ANKDD1B: variants seen among roughly 807,000 people sequenced by gnomAD.
ANKDD1B encodes the protein ankyrin repeat and death domain containing 1B.
A neutral mutation model predicts 59.7 loss-of-function variants in ANKDD1B; 57 were observed. The ratio of observed to expected loss-of-function variants is 0.95; its 90% confidence interval spans 0.77 to 1.19. The LOEUF (loss-of-function observed/expected upper bound fraction) is 1.19, where lower values mean the gene tolerates loss of function less well. ANKDD1B is among the 50% of genes most tolerant of loss of function. ANKDD1B has a pLI of 0.00. For synonymous variants in ANKDD1B, 216 were observed against 239.5 expected (o/e 0.90, Z 0.91); for missense variants, 602 against 641.9 (o/e 0.94, Z 0.67).
rs149548574 is a variant in ANKDD1B, at chr5:75,658,132, G to C, written c.997-1151G>C. 5.1e-3 allele frequency among the ~76,000 whole-genome samples: 770 copies of C among 152,182 alleles called. 8 individuals carry two copies. Among genetic ancestry groups the C allele is most frequent in the African/African-American group, 0.016 (679 of 41,540 alleles). On this transcript the variant is annotated intron_variant, in intron 9 of 13. Coordinates refer to ENST00000601380, the MANE Select transcript of ANKDD1B (RefSeq NM_001276713.2). ...GGATTGCTTGAGCCCAGGAGTTCGA[G>C]GTTACAGTGAGCTACTATCATGCTA... is the stretch of plus-strand genomic sequence containing the variant.
At chr5:75,635,470 C>G (rs1345319667) in intron 6 of ANKDD1B, 1 of 247,384 alleles carries the variant, frequency 4.0e-6, no homozygotes, top group African/African-American at 2.2e-5. Context: ...TCCCAGAAAT[C>G]TTTCACCATT....
At chr5:75,626,048 C>A in intron 5 of ANKDD1B, 93 bp downstream of exon 5, 1 of 902,892 alleles carries the variant, frequency 1.1e-6, no homozygotes, top group Non-Finnish European at 1.7e-6. Flanking sequence ...GCAGCCAGCA[C>A]AGACAGACCC....
In ANKDD1B at chr5:75,635,790, AAC is replaced by A; in HGVS notation, c.709_710del (p.Thr237CysfsTer26). ...GAGTGTGTCTCTGTTGCAGGGGGGA[AAC>A]ACTGCCTTGCACCTCGCTGCGAAGC... ...LHTSEKDKGG[N>X]TALHLAAKHG... On this transcript the variant is annotated frameshift_variant, in exon 7 of 14. Coordinates refer to ENST00000601380, the MANE Select transcript of ANKDD1B (RefSeq NM_001276713.2). LOFTEE classifies it high-confidence loss of function. The A allele has an allele frequency of 6.5e-7, 1 of 1,529,308 alleles. No homozygotes were observed. Among genetic ancestry groups the A allele is most frequent in the Non-Finnish European group, 8.8e-7 (1 of 1,141,434 alleles). The allele number at this position is 1,529,308 out of a possible 1,614,324, so 94.7% of individuals were successfully genotyped here.
Position 75,669,274 on chromosome 5 carries a change from T to C in ANKDD1B, c.1416T>C (p.His472=). The C allele has an allele frequency of 8.1e-7, 1 of 1,232,150 alleles. No homozygotes were observed. Among genetic ancestry groups the C allele is most frequent in the South Asian group, 4.1e-5 (1 of 24,324 alleles). The allele number at this position is 1,232,150 out of a possible 1,614,324, so 76.3% of individuals were successfully genotyped here. ...QWSGNESFRE[H]GHRALLIWLH... ...CAGGAAATGAAAGCTTCCGTGAACA[T>C]GGCCACAGGGCTCTGCTTATCTGGC... Residue 472 remains histidine (H), a synonymous_variant, in exon 13 of 14, where the codon CAT becomes CAC. Transcript: ENST00000601380.
chr5:75,666,900 T>TA lies in ANKDD1B; in HGVS notation c.1301dup (p.Tyr434Ter), dbSNP rs761999240. The TA allele has an allele frequency of 5.9e-6, 9 of 1,534,108 alleles. No individual in the cohort carries two copies. The highest frequency in any genetic ancestry group is 7.9e-6 in the Non-Finnish European group (9 of 1,146,170). ...HIRTLLWDLA[Y>*]HQLKANEWQR... Reference sequence around the variant, plus strand: ...TCGCACGCTTCTCTGGGACCTGGCTTACCATCAGCTGAAGGCCAATGAGTG... The same window carrying TA: ...TCGCACGCTTCTCTGGGACCTGGCTTAACCATCAGCTGAAGGCCAATGAGTG... The change falls in exon 12 of 14, where the codon TAC becomes TAAC. Residue 434 changes from tyrosine (Y) to a stop codon, truncating the protein, a stop_gained and frameshift_variant. Coordinates refer to ENST00000601380, the MANE Select transcript of ANKDD1B (RefSeq NM_001276713.2). LOFTEE classifies it high-confidence loss of function.
intron 8 of ANKDD1B, among the ~76,000 whole-genome samples, chr5:75,655,766 C>A (rs1774958081): frequency 6.6e-6 from 1 of 152,138 alleles, no homozygotes; most frequent in African/African-American, 2.4e-5. Flanking sequence ...CCCTAGCAAC[C>A]TGAAAAGAGC....
chr5:75,630,969 C>G (rs1427766425), intron 5 of ANKDD1B, among the ~76,000 whole-genome samples: 1 of 152,164 alleles, frequency 6.6e-6, no homozygotes, highest in Non-Finnish European at 1.5e-5. Flanking sequence ...ATCTCAGGAA[C>G]AACTCTGGCC....
Position 75,626,102 on chromosome 5 carries a change from C to T in ANKDD1B, c.600+147C>T, listed in dbSNP as rs1773990366. The T allele has an allele frequency of 1.8e-5, 11 of 627,456 alleles. No homozygotes were observed. In the East Asian group the frequency reaches 3.0e-4, roughly 17 times the overall value. The allele number at this position is 627,456 out of a possible 1,614,324, so 38.9% of individuals were successfully genotyped here. A position where few individuals can be genotyped will look rare whatever the true frequency, so the allele number is the denominator to read the frequency against. ...TCCATCACCATGGCAGACCACAGAA[C>T]CAAAGAGGAGTGTTGGTATTAGTGG... is the stretch of plus-strand genomic sequence containing the variant. On this transcript the variant is annotated intron_variant, in intron 5 of 13. Transcript: ENST00000601380.
At chr5:75,654,853 G>A (rs1207846599) in intron 8 of ANKDD1B, among the ~76,000 whole-genome samples, 1 of 151,938 alleles carries the variant, frequency 6.6e-6, no homozygotes, top group Non-Finnish European at 1.5e-5. Flanking sequence ...CTCGCCACTC[G>A]CTTCACACTC....
At position 75,611,572 on chromosome 5, in the gene ANKDD1B, C is replaced by A; in HGVS notation, c.-63C>A. 1 of 1,072,192 alleles carries A rather than the reference C, an allele frequency of 9.3e-7. No homozygotes were observed. The highest frequency in any genetic ancestry group is 1.2e-6 in the Non-Finnish European group (1 of 861,370). 66.4% of individuals were successfully genotyped at this position (1,072,192 alleles called of 1,614,324 possible). ...CCTGGGTCTGGATCTGTGTCCGAGT[C>A]TGGGTCTGGATCTGGGTCCGAGTCT... On this transcript the variant is annotated 5_prime_UTR_variant, in exon 1 of 14. The change creates a new upstream start codon in the 5' untranslated region. Coordinates refer to ENST00000601380, the MANE Select transcript of ANKDD1B (RefSeq NM_001276713.2).
intron 2 of ANKDD1B, among the ~76,000 whole-genome samples, chr5:75,618,985 A>G (rs1001237041): frequency 1.3e-5 from 2 of 152,212 alleles, no homozygotes; most frequent in African/African-American, 4.8e-5. Flanking sequence ...ACCTCAGGTG[A>G]TCCACCCGCC....
At chr5:75,614,020 G>A (rs1296357294) in intron 1 of ANKDD1B, among the ~76,000 whole-genome samples, 1 of 152,098 alleles carries the variant, frequency 6.6e-6, no homozygotes, top group Non-Finnish European at 1.5e-5. Flanking sequence ...AGTTGGCGAG[G>A]GTCTCTCATC....
chr5:75,613,680 G>A (rs1773633967), intron 1 of ANKDD1B, among the ~76,000 whole-genome samples: 1 of 152,178 alleles, frequency 6.6e-6, no homozygotes, highest in Non-Finnish European at 1.5e-5. Context: ...TGTTGAAGAA[G>A]GGAAGACTAG....
At chr5:75,620,208 TC>T in intron 2 of ANKDD1B, 106 bp from the exon 3 acceptor site, 1 of 582,074 alleles carries the variant, frequency 1.7e-6, no homozygotes, top group Non-Finnish European at 3.0e-6. Flanking sequence ...AGCCAAACAA[TC>T]AAAATAGAAA....
At chr5:75,617,262 T>A (rs1773738711) in intron 2 of ANKDD1B, among the ~76,000 whole-genome samples, 1 of 152,156 alleles carries the variant, frequency 6.6e-6, no homozygotes, top group Non-Finnish European at 1.5e-5. Flanking sequence ...AGGCAGAACA[T>A]TTTTTTGCTA....
chr5:75,669,230 G>A lies in ANKDD1B; in HGVS notation c.1394-22G>A, dbSNP rs188324673. On this transcript the variant is annotated intron_variant, in intron 12 of 13. Coordinates refer to ENST00000601380, the MANE Select transcript of ANKDD1B (RefSeq NM_001276713.2). ...ATAGCAGCTCGTGGTGTTTTACCTCGGACCTCTTGTGCTTGGCACAGGAAA... is the reference window on the plus strand; with the variant it reads ...ATAGCAGCTCGTGGTGTTTTACCTCAGACCTCTTGTGCTTGGCACAGGAAA... 70 of 1,231,820 alleles carry A rather than the reference G, an allele frequency of 5.7e-5. No individual in the cohort carries two copies. The African/African-American group carries it at 8.8e-4, about 16-fold the overall frequency. The allele number at this position is 1,231,820 out of a possible 1,614,324, so 76.3% of individuals were successfully genotyped here.
At chr5:75,665,651 C>A (rs1161642385) in intron 11 of ANKDD1B, among the ~76,000 whole-genome samples, 1 of 152,180 alleles carries the variant, frequency 6.6e-6, no homozygotes, top group Non-Finnish European at 1.5e-5. Flanking sequence ...AACTTCTGTA[C>A]ACAAAGTTCA....
chr5:75,628,450 G>A (rs1397807545), intron 5 of ANKDD1B, among the ~76,000 whole-genome samples: 1 of 152,072 alleles, frequency 6.6e-6, no homozygotes, highest in Non-Finnish European at 1.5e-5. Flanking sequence ...AGAAGCTCAG[G>A]GTCTATTGAT....
chr5:75,630,951 A>G (rs1473839387), intron 5 of ANKDD1B, among the ~76,000 whole-genome samples: 4 of 152,196 alleles, frequency 2.6e-5, no homozygotes, highest in Non-Finnish European at 1.5e-5. Flanking sequence ...TTAAATGTTT[A>G]TATATAAATC....
Sources: gnomAD v4.1 joint callset for allele counts (sites outside exome capture counted in the v4.1 genomes callset) on GRCh38, gnomAD v4.1.1 for gene constraint, MANE v1.5 for transcripts, NCBI Gene and HGNC (gene_info 2026-07-23, HGNC 2026-07-21) for gene names.